ABHD14B: variants seen among roughly 807,000 people sequenced by gnomAD.
ABHD14B encodes abhydrolase domain containing 14B.
ABHD14B carries 19 observed loss-of-function variants against 15.4 expected under a neutral mutation model. The observed-to-expected ratio is 1.23, with a 90% CI of 0.86 to 1.81. The LOEUF is 1.81. Among genes scored for constraint, ABHD14B ranks in the 40% most tolerant of loss-of-function variants. ABHD14B has a pLI of 0.00. For missense variants in ABHD14B, 243 were observed against 267.0 expected (o/e 0.91, Z 0.63); for synonymous variants, 92 against 117.3 (o/e 0.78, Z 1.39).
At chr3:51,972,675 A>C (rs1386986783) in intron 1 of ABHD14B, among the ~76,000 whole-genome samples, 1 of 152,168 alleles carries the variant, frequency 6.6e-6, no homozygotes, top group East Asian at 1.9e-4. Flanking sequence ...TCTCATCGTT[A>C]TTATCCTTTT....
chr3:51,974,110 C>T (rs1280283313), upstream of ABHD14B: 4 of 1,187,976 alleles, frequency 3.4e-6, no homozygotes, highest in Middle Eastern at 3.5e-4. Context: ...CTCTTGTGGC[C>T]ACAAGCTCGC....
chr3:51,973,034 T>A (rs1406402917), intron 1 of ABHD14B, among the ~76,000 whole-genome samples: 1 of 147,228 alleles, frequency 6.8e-6, no homozygotes, highest in East Asian at 2.0e-4. Context: ...TGCGTCACCA[T>A]GCCTGGCTAA....
intron 1 of ABHD14B, among the ~76,000 whole-genome samples, chr3:51,972,374 T>A (rs1700674544): frequency 4.0e-5 from 6 of 150,594 alleles, no homozygotes. Flanking sequence ...GTTCGAGATC[T>A]CCCTGATGAA....
chr3:51,971,959 T>C (rs1223646417), intron 1 of ABHD14B: 6 of 611,110 alleles, frequency 9.8e-6, no homozygotes, highest in Non-Finnish European at 1.4e-5. Flanking sequence ...TAAGAAAAAT[T>C]ATCGGCCAGG....
At chr3:51,972,970 T>G (rs1472281887) in intron 1 of ABHD14B, among the ~76,000 whole-genome samples, 1 of 151,808 alleles carries the variant, frequency 6.6e-6, no homozygotes, top group Non-Finnish European at 1.5e-5. Context: ...CTCCACCTCC[T>G]GGGTTCAAGC....
Position 51,974,013 on chromosome 3 carries a change from CG to C in ABHD14B, c.-78del, listed in dbSNP as rs1700724855. 11 of 1,288,842 alleles carry C rather than the reference CG, an allele frequency of 8.5e-6. No individual in the cohort carries two copies. Among genetic ancestry groups the C allele is most frequent in the Non-Finnish European group, 1.1e-5 (11 of 988,838 alleles). The allele number at this position is 1,288,842 out of a possible 1,614,324, so 79.8% of individuals were successfully genotyped here. ...CAGACGGGAAGCAGGCGCGTGCTGG[CG>C]GTGACCTGGGGCCGGAGGAGGAACG... On this transcript the variant is annotated 5_prime_UTR_variant, in exon 1 of 4. Transcript: ENST00000361143.
At chr3:51,970,502 C>T (rs1027244040) in intron 2 of ABHD14B, 22 of 582,798 alleles carry the variant, frequency 3.8e-5, no homozygotes, top group Non-Finnish European at 6.8e-5. Context: ...GGTAGGTCCC[C>T]CTCAGTCCTC....
intron 1 of ABHD14B, among the ~76,000 whole-genome samples, chr3:51,972,897 G>A (rs1051124683): frequency 6.6e-6 from 1 of 152,126 alleles, no homozygotes; most frequent in African/African-American, 2.4e-5. Flanking sequence ...TTTATTTTGG[G>A]ACAGAGTTTC....
intron 2 of ABHD14B, 101 bp downstream of exon 2, chr3:51,971,359 C>T (rs1309920544): frequency 5.9e-6 from 8 of 1,360,662 alleles, no homozygotes; most frequent in African/African-American, 2.9e-5. Flanking sequence ...ATCCCACCGC[C>T]CCCACCCCTG....
upstream of ABHD14B, chr3:51,974,130 A>T: frequency 9.4e-7 from 1 of 1,060,556 alleles, no homozygotes; most frequent in South Asian, 1.4e-5. Context: ...CAGCGTCCAT[A>T]GACTCCGCTA....
At chr3:51,973,043 A>AT (rs1700685729) in intron 1 of ABHD14B, among the ~76,000 whole-genome samples, 1 of 142,692 alleles carries the variant, frequency 7.0e-6, no homozygotes, top group African/African-American at 2.7e-5. Context: ...ATGCCTGGCT[A>AT]ATTTTTTTTT....
chr3:51,974,137 G>A, upstream of ABHD14B: 4 of 992,676 alleles, frequency 4.0e-6, no homozygotes, highest in Non-Finnish European at 5.4e-6. Context: ...CATAGACTCC[G>A]CTAAACTCGT....
Position 51,969,266 on chromosome 3 carries a change from A to G in ABHD14B, c.*160T>C, listed in dbSNP as rs1196035485. 9.2e-6 allele frequency: 7 copies of G among 759,886 alleles called. No individual in the cohort carries two copies. In the East Asian group the frequency reaches 1.9e-4, roughly 21 times the overall value. 47.1% of individuals were successfully genotyped at this position (759,886 alleles called of 1,614,324 possible). On this transcript the variant is annotated 3_prime_UTR_variant, in exon 4 of 4. Coordinates refer to ENST00000361143, the MANE Select transcript of ABHD14B (RefSeq NM_001146314.2). ...CTCAGTCTATCACTGCAAGAGAAAGAGGTAGAAAAGACAAACAGACCACAA... is the reference window on the plus strand; with the variant it reads ...CTCAGTCTATCACTGCAAGAGAAAGGGGTAGAAAAGACAAACAGACCACAA...
At position 51,969,439 on chromosome 3, in the gene ABHD14B, T is replaced by G. The variant is rs1700608745; in HGVS notation, c.620A>C (p.Gln207Pro). The G allele has an allele frequency of 6.2e-7, 1 of 1,611,988 alleles. No homozygotes were observed. The highest frequency in any genetic ancestry group is 1.7e-5 in the Admixed American group (1 of 59,860). ...EWHTGLLDFL[Q>P]GLQ is the part of the protein sequence containing the mutation. ...CAGTGCTGGGCTTCACTGGAGCCCC[T>G]GCAGGAAGTCCAGCAGCCCTGTATG... The change falls in exon 4 of 4, where the codon CAG (glutamine) becomes CCG (proline). Residue 207 changes from glutamine (Q) to proline (P), a missense_variant. Transcript: ENST00000361143.
Position 51,969,363 on chromosome 3 carries a change from G to A in ABHD14B, c.*63C>T. 6.6e-7 allele frequency: 1 copy of A among 1,517,750 alleles called. No individual in the cohort carries two copies. Among genetic ancestry groups the A allele is most frequent in the Non-Finnish European group, 8.9e-7 (1 of 1,126,696 alleles). 94.0% of individuals were successfully genotyped at this position (1,517,750 alleles called of 1,614,324 possible). On this transcript the variant is annotated 3_prime_UTR_variant, in exon 4 of 4. Transcript: ENST00000361143. ...ATGAGCCAGAGCCTGGGAGAGAAGAGAGAGCGTGCAAGAGAGAGCTCAGAG... is the reference window on the plus strand; with the variant it reads ...ATGAGCCAGAGCCTGGGAGAGAAGAAAGAGCGTGCAAGAGAGAGCTCAGAG...
At position 51,968,676 on chromosome 3, in the gene ABHD14B, C is replaced by G. The variant is rs1001369210; in HGVS notation, c.*750G>C. The G allele has an allele frequency of 2.6e-5, 4 of 152,292 alleles. No homozygotes were observed. Among genetic ancestry groups the G allele is most frequent in the African/African-American group, 9.6e-5 (4 of 41,462 alleles). 9.4% of individuals were successfully genotyped at this position (152,292 alleles called of 1,614,324 possible). Reference sequence around the variant, plus strand: ...GCAGGGGGCAAAGCGGTGGCCCTCCCTTTCTGGGGGTCACTTCTGGGCTGG... The same window carrying G: ...GCAGGGGGCAAAGCGGTGGCCCTCCGTTTCTGGGGGTCACTTCTGGGCTGG... On this transcript the variant is annotated 3_prime_UTR_variant, in exon 4 of 4. Coordinates refer to ENST00000361143, the MANE Select transcript of ABHD14B (RefSeq NM_001146314.2).
intron 1 of ABHD14B, among the ~76,000 whole-genome samples, chr3:51,973,095 G>T (rs1167329402): frequency 1.3e-5 from 2 of 148,508 alleles, no homozygotes; most frequent in Admixed American, 6.7e-5. Context: ...GCCCAGGCTG[G>T]AGTGCAATGG....
intron 2 of ABHD14B, 53 bp downstream of exon 2, chr3:51,971,407 T>C (rs1700650806): frequency 6.8e-7 from 1 of 1,470,308 alleles, no homozygotes; most frequent in Non-Finnish European, 9.0e-7. Context: ...AACCTGGCCC[T>C]GTCCCTAATG....
chr3:51,969,640 A>G (rs915387360), intron 3 of ABHD14B, 35 bp from the exon 4 acceptor site: 1 of 1,587,114 alleles, frequency 6.3e-7, no homozygotes. Flanking sequence ...GGCAGAGTCA[A>G]CAGGGACCTG....
Sources: allele counts gnomAD v4.1 joint callset (sites outside exome capture counted in the v4.1 genomes callset), GRCh38; gene constraint gnomAD v4.1.1; transcripts MANE v1.5; gene names NCBI Gene and HGNC (gene_info 2026-07-23, HGNC 2026-07-21).